The following RBFOX1 variants were observed in gnomAD, a reference collection of about 807,000 sequenced individuals.
RBFOX1 encodes the protein RNA binding protein fox-1 homolog 1.
Under a neutral mutation model 57.7 loss-of-function variants are expected in RBFOX1, and 8 were observed. The ratio of observed to expected loss-of-function variants is 0.14; its 90% CI spans 0.08 to 0.25. RBFOX1 has a LOEUF of 0.25. Among genes scored for constraint, RBFOX1 ranks in the 10% least tolerant of loss-of-function variants. The pLI, the probability that RBFOX1 is intolerant of heterozygous loss-of-function variation, is 1.00. For synonymous variants in RBFOX1, 326 were observed against 222.4 expected (o/e 1.47, Z -4.15); for missense variants, 611 against 548.5 (o/e 1.11, Z -1.14).
intron 11 of RBFOX1, among the ~76,000 whole-genome samples, chr16:7,653,401 G>C (rs188775626): frequency 7.2e-5 from 11 of 152,256 alleles, no homozygotes; most frequent in Non-Finnish European, 1.5e-4. Context: ...AGCTACTTGG[G>C]AGGCTGAGGT....
chr16:6,585,400 CT>C (rs1284903311), intron 2 of RBFOX1, among the ~76,000 whole-genome samples: 1 of 152,160 alleles, frequency 6.6e-6, no homozygotes, highest in African/African-American at 2.4e-5. Flanking sequence ...TTTACTTCGA[CT>C]CTTTTTTCAA....
chr16:6,337,731 C>G (rs906138989), intron 2 of RBFOX1, among the ~76,000 whole-genome samples: 2 of 151,992 alleles, frequency 1.3e-5, no homozygotes, highest in Non-Finnish European at 2.9e-5. Context: ...AAGACCATCT[C>G]TGTAAAAAAA....
intron 4 of RBFOX1, among the ~76,000 whole-genome samples, chr16:7,397,545 C>G (rs1238184866): frequency 6.6e-6 from 1 of 152,086 alleles, no homozygotes; most frequent in Non-Finnish European, 1.5e-5. Flanking sequence ...CAGTTTTTTT[C>G]TGAACTTTGA....
intron 4 of RBFOX1, among the ~76,000 whole-genome samples, chr16:7,146,072 A>T (rs752062193): frequency 1.3e-5 from 2 of 152,178 alleles, no homozygotes. Context: ...GACTGTTCCA[A>T]ATGGGGGCAA....
Position 7,576,096 on chromosome 16 carries a change from A to ATTT in RBFOX1, c.271-3669_271-3667dup, listed in dbSNP as rs113802059. 2.1e-3 allele frequency among the ~76,000 whole-genome samples: 255 copies of ATTT among 123,484 alleles called. 5 individuals carry two copies. In the East Asian group the frequency reaches 0.039, roughly 19 times the overall value. The allele number at this position is 123,484 out of a possible 152,430, so 81.0% of individuals were successfully genotyped here. On this transcript the variant is annotated intron_variant, in intron 5 of 15. Coordinates refer to ENST00000550418, the MANE Select transcript of RBFOX1 (RefSeq NM_018723.4). ...GGCAGGCACATGGCCATGATCAGCT[A>ATTT]TTTTTTTTTTTTTTAATTTATTTAG...
At chr16:7,320,012 A>T (rs2096517062) in intron 4 of RBFOX1, among the ~76,000 whole-genome samples, 1 of 152,198 alleles carries the variant, frequency 6.6e-6, no homozygotes, top group Non-Finnish European at 1.5e-5. Flanking sequence ...ACTGCCTTTT[A>T]TGCAAGTGTA....
intron 1 of RBFOX1, among the ~76,000 whole-genome samples, chr16:6,047,411 A>C (rs889601079): frequency 2.0e-5 from 3 of 152,158 alleles, no homozygotes; most frequent in African/African-American, 7.2e-5. Context: ...GAAAGATGAG[A>C]TTTCTCTGAA....
chr16:5,942,993 C>A lies in RBFOX1; in HGVS notation c.351+75658C>A, dbSNP rs532126499. Among the ~76,000 whole-genome samples, 7 of 152,292 alleles carry A rather than the reference C, an allele frequency of 4.6e-5. No homozygotes were observed. The East Asian group carries it at 9.7e-4, about 21-fold the overall frequency. On this transcript the variant is annotated intron_variant, in intron 4 of 19. Coordinates refer to the RBFOX1 transcript ENST00000641259. Reference sequence around the variant, plus strand: ...TGCTCCAGGTGGGCTGCCAAGCACCCCCCAAGGGGTCTGCACTGACCACAA... The same window carrying A: ...TGCTCCAGGTGGGCTGCCAAGCACCACCCAAGGGGTCTGCACTGACCACAA...
chr16:5,705,210 C>T (rs977262488), intron 3 of RBFOX1, among the ~76,000 whole-genome samples: 1 of 152,142 alleles, frequency 6.6e-6, no homozygotes, highest in Non-Finnish European at 1.5e-5. Context: ...ATATTCTTTC[C>T]ATCAGCACCA....
rs116321238 is a variant in RBFOX1, at chr16:6,959,972, G to A, written c.-15-92085G>A. On this transcript the variant is annotated intron_variant, in intron 3 of 15. Coordinates refer to ENST00000550418, the MANE Select transcript of RBFOX1 (RefSeq NM_018723.4). The stretch of plus-strand genomic sequence containing the variant: ...AAATTAATAAATGCCAAGAAAGCCA[G>A]TGCCCTTAAACAAAGGCTGAAATGT... Among the ~76,000 whole-genome samples the A allele has an allele frequency of 6.5e-3, 996 of 152,188 alleles. 13 individuals carry two copies. The highest frequency in any genetic ancestry group is 0.023 in the African/African-American group (944 of 41,528).
intron 3 of RBFOX1, among the ~76,000 whole-genome samples, chr16:6,720,402 T>C (rs1351526502): frequency 1.3e-5 from 2 of 152,172 alleles, no homozygotes; most frequent in East Asian, 1.9e-4. Context: ...CTGTGAACCA[T>C]GTAAATCTCT....
intron 3 of RBFOX1, among the ~76,000 whole-genome samples, chr16:6,682,705 G>A (rs529961654): frequency 6.6e-6 from 1 of 151,800 alleles, no homozygotes; most frequent in South Asian, 2.1e-4. Flanking sequence ...GCGCAAAATT[G>A]CCCCCTGTTT....
At chr16:5,961,391 A>C (rs576951559) in intron 4 of RBFOX1, among the ~76,000 whole-genome samples, 1 of 152,186 alleles carries the variant, frequency 6.6e-6, no homozygotes, top group Admixed American at 6.5e-5. Context: ...CCAGAACCTA[A>C]ATTCGGGTGG....
chr16:7,460,389 A>ATATATATATATATATATATGTGTG lies in RBFOX1; in HGVS notation c.28-57757_28-57756insATATATATATATATATATGTGTGT. ...TAGCAAAATATATATATATATATAT[A>ATATATATATATATATATATGTGTG]TGTGTGTGTGTGTGTGTGTGTGTGT... On this transcript the variant is annotated intron_variant, in intron 4 of 15. Transcript: ENST00000550418. Among the ~76,000 whole-genome samples the ATATATATATATATATATATGTGTG allele has an allele frequency of 3.6e-3, 311 of 87,058 alleles. 3 individuals carry two copies. The highest frequency in any genetic ancestry group is 0.01 in the African/African-American group (153 of 15,296). The allele number at this position is 87,058 out of a possible 152,430, so 57.1% of individuals were successfully genotyped here.
chr16:6,103,066 G>A (rs879170057), intron 1 of RBFOX1, among the ~76,000 whole-genome samples: 16 of 152,294 alleles, frequency 1.1e-4, no homozygotes, highest in African/African-American at 3.6e-4. Context: ...AATATAGATC[G>A]AAGTTGGACA....
intron 4 of RBFOX1, among the ~76,000 whole-genome samples, chr16:7,280,388 A>G (rs2095517881): frequency 6.6e-6 from 1 of 152,220 alleles, no homozygotes; most frequent in Admixed American, 6.5e-5. Context: ...GTTAAGAAAG[A>G]CATGCACAGT....
At chr16:7,678,981 A>G (rs568132037) in intron 14 of RBFOX1, among the ~76,000 whole-genome samples, 20 of 152,342 alleles carry the variant, frequency 1.3e-4, no homozygotes, top group African/African-American at 4.6e-4. Context: ...GTTGTTCATT[A>G]GAGAAATTTG....
chr16:6,160,100 C>G (rs1023248714), intron 1 of RBFOX1, among the ~76,000 whole-genome samples: 2 of 152,162 alleles, frequency 1.3e-5, no homozygotes, highest in Non-Finnish European at 2.9e-5. Flanking sequence ...CCAGGCCAGT[C>G]TGACATCTTA....
chr16:7,233,136 C>G lies in RBFOX1; in HGVS notation c.27+181038C>G, dbSNP rs550426535. Reference sequence around the variant, plus strand: ...TTTCCCTTCCCAGTTAAAAACCCCACTGTACTTAGAGTTAATCCCAACCAC... The same window carrying G: ...TTTCCCTTCCCAGTTAAAAACCCCAGTGTACTTAGAGTTAATCCCAACCAC... On this transcript the variant is annotated intron_variant, in intron 4 of 15. Coordinates refer to ENST00000550418, the MANE Select transcript of RBFOX1 (RefSeq NM_018723.4). Among the ~76,000 whole-genome samples the G allele has an allele frequency of 6.6e-5, 10 of 152,204 alleles. 1 individual carries two copies. The highest frequency in any genetic ancestry group is 2.2e-4 in the African/African-American group (9 of 41,552).
Sources: allele counts gnomAD v4.1 joint callset (sites outside exome capture counted in the v4.1 genomes callset), GRCh38; gene constraint gnomAD v4.1.1; transcripts MANE v1.5; gene names NCBI Gene and HGNC (gene_info 2026-07-23, HGNC 2026-07-21).